Variants in EHD4 observed in about 807,000 individuals in gnomAD.
The protein encoded by EHD4 is EH domain-containing protein 4.
Under a neutral mutation model 51.0 loss-of-function variants are expected in EHD4, and 37 were observed. The observed-to-expected ratio is 0.73, with a 90% confidence interval of 0.56 to 0.95. EHD4 has a LOEUF of 0.95. EHD4 is among the 40% of genes least tolerant of loss of function. The probability of loss-of-function intolerance (pLI) is 0.00; values close to 1 mark genes in which losing one functional copy is unlikely to be tolerated. For synonymous variants in EHD4, 297 were observed against 317.3 expected, an observed-to-expected ratio of 0.94 and a Z score of 0.68; for missense variants, 632 against 733.1, an observed-to-expected ratio of 0.86 and a Z score of 1.59.
intron 1 of EHD4, among the ~76,000 whole-genome samples, chr15:41,967,080 C>T (rs1218620391): frequency 3.3e-5 from 5 of 152,220 alleles, no homozygotes; most frequent in Admixed American, 3.3e-4. Context: ...TAAATCTAAA[C>T]TTATCATTAT....
At chr15:41,901,473 C>T (rs2067477786) in intron 5 of EHD4, among the ~76,000 whole-genome samples, 2 of 152,188 alleles carry the variant, frequency 1.3e-5, no homozygotes, top group Non-Finnish European at 2.9e-5. Flanking sequence ...TTTAAAAATG[C>T]TCTAGAGTTA....
chr15:41,912,332 C>T (rs1011432403), intron 4 of EHD4, among the ~76,000 whole-genome samples: 1 of 152,158 alleles, frequency 6.6e-6, no homozygotes, highest in Non-Finnish European at 1.5e-5. Flanking sequence ...CCACCCGCGT[C>T]CTGCCCTTCC....
intron 5 of EHD4, among the ~76,000 whole-genome samples, chr15:41,902,050 G>C (rs1356460223): frequency 1.3e-5 from 2 of 152,164 alleles, no homozygotes; most frequent in Non-Finnish European, 2.9e-5. Context: ...GCCAGGTCAG[G>C]ACATATCTTA....
At chr15:41,937,001 G>C (rs1200446985) in intron 3 of EHD4, among the ~76,000 whole-genome samples, 1 of 152,238 alleles carries the variant, frequency 6.6e-6, no homozygotes, top group Admixed American at 6.5e-5. Context: ...CTGGGCCCCA[G>C]CCTCCAGGGA....
rs537378008 is a variant in EHD4 at position 41,955,663 on chromosome 15, T to C, written c.237-1723A>G. On this transcript the variant is annotated intron_variant, in intron 1 of 5. Coordinates refer to ENST00000220325, the MANE Select transcript of EHD4 (RefSeq NM_139265.4). ...GAGTTTCTCCATCAAAACCTCTGTA[T>C]CCCTAATAGCCTAGAAATGTTCGTG... Among the ~76,000 whole-genome samples the C allele has an allele frequency of 2.4e-4, 36 of 152,348 alleles. 1 individual carries two copies. The highest frequency in any genetic ancestry group is 2.3e-3 in the Admixed American group (35 of 15,306).
At chr15:41,908,486 T>C (rs2067527123) in intron 5 of EHD4, 1 of 152,228 alleles carries the variant, frequency 6.6e-6, no homozygotes, top group African/African-American at 2.4e-5. Context: ...GCTTCAATGC[T>C]GTCACTCTGT....
Position 41,969,202 on chromosome 15 carries a change from C to T in EHD4, c.236+3057G>A, listed in dbSNP as rs141776944. ...TTTTTTCCTCATTAGAATAAGTTTT[C>T]TGGGGAGAGGGAACAGAGCATATGA... On this transcript the variant is annotated intron_variant, in intron 1 of 5. Transcript: ENST00000220325. Among the ~76,000 whole-genome samples, 115 of 152,242 alleles carry T rather than the reference C, an allele frequency of 7.6e-4. 2 individuals are homozygous for T. In the East Asian group the frequency reaches 0.02, roughly 27 times the overall value.
chr15:41,945,748 C>T (rs1048265525), intron 2 of EHD4, among the ~76,000 whole-genome samples: 13 of 152,254 alleles, frequency 8.5e-5, no homozygotes, highest in African/African-American at 3.1e-4. Flanking sequence ...TTCTAGCAAT[C>T]ATGCCTCATG....
intron 3 of EHD4, among the ~76,000 whole-genome samples, chr15:41,927,933 C>A (rs1348714773): frequency 6.6e-6 from 1 of 152,142 alleles, no homozygotes; most frequent in Non-Finnish European, 1.5e-5. Flanking sequence ...AGCAATCTGG[C>A]AAGTTTAGTT....
At chr15:41,927,744 T>C (rs1472903504) in intron 3 of EHD4, among the ~76,000 whole-genome samples, 1 of 152,222 alleles carries the variant, frequency 6.6e-6, no homozygotes, top group African/African-American at 2.4e-5. Flanking sequence ...TTAGGCAAGA[T>C]GAATAAGTTC....
chr15:41,918,178 A>G (rs2067598083), intron 4 of EHD4, among the ~76,000 whole-genome samples: 1 of 151,994 alleles, frequency 6.6e-6, no homozygotes, highest in Non-Finnish European at 1.5e-5. Flanking sequence ...GGCAGCATCC[A>G]TACCATGACT....
intron 2 of EHD4, among the ~76,000 whole-genome samples, chr15:41,944,884 G>A (rs1188951368): frequency 6.6e-6 from 1 of 152,140 alleles, no homozygotes; most frequent in Non-Finnish European, 1.5e-5. Flanking sequence ...AGACACTTGT[G>A]CACAGTCCCC....
intron 2 of EHD4, among the ~76,000 whole-genome samples, chr15:41,948,749 C>G (rs1381170103): frequency 6.6e-6 from 1 of 152,126 alleles, no homozygotes; most frequent in Non-Finnish European, 1.5e-5. Context: ...CAAAACTTGG[C>G]TAGGCACAGT....
chr15:41,929,812 AAGCC>A (rs1227786133), intron 3 of EHD4, among the ~76,000 whole-genome samples: 1 of 152,174 alleles, frequency 6.6e-6, no homozygotes, highest in African/African-American at 2.4e-5. Flanking sequence ...TTGAAATAAA[AAGCC>A]AGATTCCCAG....
intron 1 of EHD4, among the ~76,000 whole-genome samples, chr15:41,961,139 G>A (rs2067921802): frequency 6.6e-6 from 1 of 152,176 alleles, no homozygotes. Flanking sequence ...ACTGGAATTT[G>A]CTGGGTAAAA....
chr15:41,960,962 C>T (rs991549943), intron 1 of EHD4, among the ~76,000 whole-genome samples: 3 of 152,250 alleles, frequency 2.0e-5, no homozygotes, highest in African/African-American at 4.8e-5. Context: ...TGTGAGCCAC[C>T]GCGCCAGCCT....
chr15:41,914,345 C>T (rs1009476503), intron 4 of EHD4, among the ~76,000 whole-genome samples: 1 of 130,602 alleles, frequency 7.7e-6, no homozygotes, highest in Non-Finnish European at 1.7e-5. Flanking sequence ...GGTATCAGCA[C>T]GTTTATAAAG....
intron 3 of EHD4, chr15:41,928,697 T>C (rs1031858036): frequency 6.6e-6 from 1 of 152,348 alleles, no homozygotes; most frequent in South Asian, 2.1e-4. Context: ...GATTCCAGCA[T>C]TTCCCTGCCA....
rs747383299 is a variant in EHD4 at position 41,900,716 on chromosome 15, C to G, written c.1555G>C (p.Glu519Gln). Residue 519 changes from glutamate to glutamine, a missense_variant, in exon 6 of 6, where the codon GAG becomes CAG. Glu to Gln is a conservative substitution (Grantham distance 29). Coordinates refer to ENST00000220325, the MANE Select transcript of EHD4 (RefSeq NM_139265.4). This position sits in a 1 kb window ranked among gnomAD's most constrained non-coding sequence, Gnocchi z 4.8. ...TGGGGGGGCAGGCTGCTGGGCAGCTCGTAGCCGTCGAGCTTGATCTTGATG... is the reference window on the plus strand; with the variant it reads ...TGGGGGGGCAGGCTGCTGGGCAGCTGGTAGCCGTCGAGCTTGATCTTGATG... ...HLIKIKLDGYELPSSLPPHLV... is the reference protein window; with the variant it reads ...HLIKIKLDGYQLPSSLPPHLV... The G allele has an allele frequency of 6.2e-7, 1 of 1,610,636 alleles. No homozygotes were observed. The highest frequency in any genetic ancestry group is 1.1e-5 in the South Asian group (1 of 91,072).
Sources: gnomAD v4.1 joint callset for allele counts (sites outside exome capture counted in the v4.1 genomes callset) on GRCh38, gnomAD v4.1.1 for gene constraint, Gnocchi (gnomAD v3.1) non-coding constraint, MANE v1.5 for transcripts, NCBI Gene and HGNC (gene_info 2026-07-23, HGNC 2026-07-21) for gene names.